USP34: variants seen among roughly 807,000 people sequenced by gnomAD.
USP34 encodes the protein ubiquitin carboxyl-terminal hydrolase 34.
In USP34, 70 loss-of-function variants were observed where a neutral mutation model predicts 460.3. That is an observed-to-expected ratio of 0.15 (90% CI 0.13 to 0.19). The LOEUF (loss-of-function observed/expected upper bound fraction) is 0.19, where lower values mean the gene tolerates loss of function less well. USP34 is among the 10% of genes least tolerant of loss of function. The pLI, the probability that USP34 is intolerant of heterozygous loss-of-function variation, is 1.00. For synonymous variants in USP34, 1,647 were observed against 1,405.3 expected, an observed-to-expected ratio of 1.17 and a Z score of -3.85; for missense variants, 3,985 against 4,236.2, an observed-to-expected ratio of 0.94 and a Z score of 1.65.
chr2:61,306,778 C>T (rs1459604520), intron 27 of USP34, among the ~76,000 whole-genome samples: 11 of 152,104 alleles, frequency 7.2e-5, no homozygotes, highest in Non-Finnish European at 1.0e-4. Context: ...CCATCTCACA[C>T]CAGTTAGAAT....
intron 27 of USP34, among the ~76,000 whole-genome samples, chr2:61,304,261 T>C (rs896190592): frequency 6.6e-6 from 1 of 152,208 alleles, no homozygotes; most frequent in African/African-American, 2.4e-5. Flanking sequence ...GATTGATATT[T>C]GCAATATTAA....
chr2:61,343,092 C>T (rs775206278), intron 16 of USP34, among the ~76,000 whole-genome samples: 38 of 152,302 alleles, frequency 2.5e-4, no homozygotes, highest in Non-Finnish European at 4.4e-4. Flanking sequence ...TTTGCATAAA[C>T]GTAATCCATC....
At chr2:61,243,598 G>A (rs1688336675) in intron 51 of USP34, among the ~76,000 whole-genome samples, 1 of 146,742 alleles carries the variant, frequency 6.8e-6, no homozygotes, top group Non-Finnish European at 1.5e-5. Context: ...ATTCGGCTGA[G>A]TACGGTGGCT....
At chr2:61,337,827 T>A (rs531293117) in intron 18 of USP34, among the ~76,000 whole-genome samples, 2 of 152,194 alleles carry the variant, frequency 1.3e-5, no homozygotes, top group Non-Finnish European at 2.9e-5. Context: ...GTATATTTTG[T>A]TAGGCATATA....
intron 7 of USP34, 84 bp downstream of exon 7, chr2:61,380,085 A>G: frequency 8.4e-7 from 1 of 1,190,266 alleles, no homozygotes; most frequent in Non-Finnish European, 1.2e-6. Flanking sequence ...GCCTAGTATG[A>G]AGTGCTCCAT....
chr2:61,233,506 A>G (rs1687974862), intron 57 of USP34, among the ~76,000 whole-genome samples: 1 of 152,176 alleles, frequency 6.6e-6, no homozygotes, highest in Admixed American at 6.5e-5. Flanking sequence ...AAAACTGAAC[A>G]TAGGATGGGT....
chr2:61,355,532 T>C (rs1692076583), intron 10 of USP34, among the ~76,000 whole-genome samples: 1 of 152,192 alleles, frequency 6.6e-6, no homozygotes, highest in Non-Finnish European at 1.5e-5. Flanking sequence ...TAGATTGTTA[T>C]ACCTTTAGGA....
chr2:61,405,670 T>A (rs1693850361), intron 3 of USP34, 38 bp downstream of exon 3: 1 of 1,483,190 alleles, frequency 6.7e-7, no homozygotes, highest in African/African-American at 1.4e-5. Flanking sequence ...AGTTAAGACT[T>A]GGTATTACTT....
At chr2:61,233,733 G>A (rs902380150) in intron 57 of USP34, among the ~76,000 whole-genome samples, 3 of 151,988 alleles carry the variant, frequency 2.0e-5, no homozygotes, top group Non-Finnish European at 4.4e-5. Flanking sequence ...GCTGAGGGAG[G>A]AGGCTGAGGC....
At chr2:61,388,447 A>G (rs1241883282) in intron 5 of USP34, among the ~76,000 whole-genome samples, 3 of 137,484 alleles carry the variant, frequency 2.2e-5, no homozygotes, top group Non-Finnish European at 4.7e-5. Flanking sequence ...GTGGGGGTAC[A>G]GGGGAGTTTA....
intron 44 of USP34, among the ~76,000 whole-genome samples, chr2:61,257,721 A>C (rs1688756552): frequency 6.6e-6 from 1 of 152,042 alleles, no homozygotes; most frequent in South Asian, 2.1e-4. Context: ...TCCTTTACCA[A>C]CATGGTAAAA....
At chr2:61,333,533 A>G (rs1212945290) in intron 19 of USP34, among the ~76,000 whole-genome samples, 1 of 152,092 alleles carries the variant, frequency 6.6e-6, no homozygotes, top group African/African-American at 2.4e-5. Flanking sequence ...GTCTACAGCC[A>G]ATTCCTAGAA....
intron 2 of USP34, among the ~76,000 whole-genome samples, chr2:61,411,044 T>C (rs563366543): frequency 6.6e-6 from 1 of 152,176 alleles, no homozygotes; most frequent in South Asian, 2.1e-4. Flanking sequence ...GTTTTTTCTA[T>C]ACATAATGAA....
intron 5 of USP34, among the ~76,000 whole-genome samples, chr2:61,390,276 ACT>A (rs1403533168): frequency 2.0e-5 from 3 of 152,296 alleles, no homozygotes; most frequent in East Asian, 3.9e-4. Flanking sequence ...GAAATGACAA[ACT>A]CTGGCAAAGA....
At chr2:61,386,206 G>C (rs965800873) in intron 5 of USP34, among the ~76,000 whole-genome samples, 2 of 152,040 alleles carry the variant, frequency 1.3e-5, no homozygotes, top group African/African-American at 2.4e-5. Flanking sequence ...TGAGTCACCT[G>C]TAACCAATAC....
At chr2:61,261,992 G>A (rs1688893348) in intron 43 of USP34, among the ~76,000 whole-genome samples, 1 of 150,096 alleles carries the variant, frequency 6.7e-6, no homozygotes, top group Non-Finnish European at 1.5e-5. Context: ...TCGGGAGGCT[G>A]AGGCAGGAGA....
chr2:61,280,537 G>A lies in USP34; in HGVS notation c.5152-189C>T, dbSNP rs535470379. ...ATAACCAGGCAAAAAAATGACAAAC[G>A]TAAGAACTTTTAGGAAAATATTAGT... is the stretch of plus-strand genomic sequence containing the variant. On this transcript the variant is annotated intron_variant, in intron 38 of 79. Coordinates refer to ENST00000398571, the MANE Select transcript of USP34 (RefSeq NM_014709.4). Among the ~76,000 whole-genome samples the A allele has an allele frequency of 7.8e-4, 118 of 152,064 alleles. 1 individual carries two copies. The highest frequency in any genetic ancestry group is 2.5e-3 in the African/African-American group (104 of 41,518).
At chr2:61,219,113 T>C (rs1201458987) in intron 67 of USP34, among the ~76,000 whole-genome samples, 1 of 152,244 alleles carries the variant, frequency 6.6e-6, no homozygotes, top group Non-Finnish European at 1.5e-5. Context: ...TATGGACTCA[T>C]GAATATTTAT....
chr2:61,403,122 A>AT (rs1343370301), intron 3 of USP34, among the ~76,000 whole-genome samples: 1 of 152,148 alleles, frequency 6.6e-6, no homozygotes. Context: ...CTCTATGGGT[A>AT]TTTTTTGTCA....
Sources: gnomAD v4.1 joint callset for allele counts (sites outside exome capture counted in the v4.1 genomes callset) on GRCh38, gnomAD v4.1.1 for gene constraint, MANE v1.5 for transcripts, NCBI Gene and HGNC (gene_info 2026-07-23, HGNC 2026-07-21) for gene names.